Variants in TMEM30B observed in about 807,000 individuals in gnomAD.
TMEM30B encodes the protein cell division cycle 50 P4-ATPase accessory subunit B.
In TMEM30B, 25 loss-of-function variants were observed where a neutral mutation model predicts 27.9. The observed-to-expected ratio is 0.89, with a 90% CI of 0.65 to 1.25. The LOEUF (loss-of-function observed/expected upper bound fraction) is 1.25, where lower values mean the gene tolerates loss of function less well. TMEM30B is among the 50% of genes most tolerant of loss of function. TMEM30B has a pLI of 0.00. For synonymous variants in TMEM30B, 248 were observed against 238.5 expected, an observed-to-expected ratio of 1.04 and a Z score of -0.37; for missense variants, 536 against 506.5, an observed-to-expected ratio of 1.06 and a Z score of -0.56.
At position 61,279,507 on chromosome 14, in the gene TMEM30B, C is replaced by A. The variant is rs1356094360; in HGVS notation, c.*585G>T. On this transcript the variant is annotated 3_prime_UTR_variant, in exon 1 of 1. Coordinates refer to ENST00000555868, the MANE Select transcript of TMEM30B (RefSeq NM_001017970.3). Reference sequence around the variant, plus strand: ...TGTTAAAACACAGCTTCGAGGATCTCATCCCAGCCTTACTGTGTCTGAATC... The same window carrying A: ...TGTTAAAACACAGCTTCGAGGATCTAATCCCAGCCTTACTGTGTCTGAATC... The A allele has an allele frequency of 6.6e-6, 1 of 152,432 alleles. No individual in the cohort carries two copies. The highest frequency in any genetic ancestry group is 1.5e-5 in the Non-Finnish European group (1 of 68,230). The allele number at this position is 152,432 out of a possible 1,614,324, so 9.4% of individuals were successfully genotyped here.
In TMEM30B at chr14:61,279,773, T is replaced by C. The variant is rs537754573; in HGVS notation, c.*319A>G. On this transcript the variant is annotated 3_prime_UTR_variant, in exon 1 of 1. Coordinates refer to ENST00000555868, the MANE Select transcript of TMEM30B (RefSeq NM_001017970.3). ...TAGGTCTCTCAATCTCTTCCTCTAA[T>C]AGGGGTTTAATAGGAGTCTCCATAG... 5.7e-5 allele frequency: 17 copies of C among 295,694 alleles called. No individual in the cohort carries two copies. In the East Asian group the frequency reaches 9.8e-4, roughly 17 times the overall value. The allele number at this position is 295,694 out of a possible 1,614,324, so 18.3% of individuals were successfully genotyped here. A position where few individuals can be genotyped will look rare whatever the true frequency, so the allele number is the denominator to read the frequency against.
At position 61,280,946 on chromosome 14, in the gene TMEM30B, T is replaced by TATA. The variant is rs1407965306; in HGVS notation, c.199_201dup (p.Tyr67dup). 6.5e-7 allele frequency: 1 copy of TATA among 1,542,542 alleles called. No individual in the cohort carries two copies. Among genetic ancestry groups the TATA allele is most frequent in the Non-Finnish European group, 8.7e-7 (1 of 1,147,724 alleles). ...CAGTTACCGGTGCCCGGGTCGCCTGTATAGTCGTACTCCAGCTCCTTGATG... is the reference window on the plus strand; with the variant it reads ...CAGTTACCGGTGCCCGGGTCGCCTGTATAATAGTCGTACTCCAGCTCCTTGATG... On this transcript the variant is annotated inframe_insertion, in exon 1 of 1. Transcript: ENST00000555868. This position sits in a 1 kb window ranked among gnomAD's most constrained non-coding sequence, Gnocchi z 5.0.
At position 61,280,661 on chromosome 14, in the gene TMEM30B, C is replaced by T. The variant is rs1288478361; in HGVS notation, c.487G>A (p.Gly163Ser). The change falls in exon 1 of 1, where the codon GGC becomes AGC. Residue 163 changes from glycine to serine, a missense_variant. By Grantham distance (56) the Gly-to-Ser change is moderately conservative (BLOSUM62 0). Coordinates refer to ENST00000555868, the MANE Select transcript of TMEM30B (RefSeq NM_001017970.3). The surrounding 1 kb of genome is among the most constrained non-coding windows in gnomAD (Gnocchi z 5.0). ...SAAGLPIAPC[G>S]AIANSLFNDS... ...TTGAAGAGGCTGTTGGCGATGGCGC[C>T]GCAGGGCGCGATGGGCAGGCCGGCC... 3.2e-6 allele frequency: 5 copies of T among 1,571,288 alleles called. No individual in the cohort carries two copies. The highest frequency in any genetic ancestry group is 2.7e-5 in the African/African-American group (2 of 73,926).
In TMEM30B at chr14:61,280,747, C is replaced by A; in HGVS notation, c.401G>T (p.Ser134Ile). 6.4e-7 allele frequency: 1 copy of A among 1,566,792 alleles called. No individual in the cohort carries two copies. The highest frequency in any genetic ancestry group is 8.6e-7 in the Non-Finnish European group (1 of 1,163,286). ...GTGGCGCAGCGCGCTGGGGAGTCCG[C>A]TCAGCTGCGCGTCGTCGCGGGACAC... is the stretch of plus-strand genomic sequence containing the variant. ...YGVSRDDAQLSGLPSALRHPV... is the reference protein window; with the variant it reads ...YGVSRDDAQLIGLPSALRHPV... The change falls in exon 1 of 1, where the codon AGC becomes ATC. Residue 134 changes from serine to isoleucine, a missense_variant. Coordinates refer to ENST00000555868, the MANE Select transcript of TMEM30B (RefSeq NM_001017970.3). The surrounding 1 kb of genome is among the most constrained non-coding windows in gnomAD (Gnocchi z 5.0).
Position 61,279,833 on chromosome 14 carries a change from C to T in TMEM30B, c.*259G>A. 2.1e-6 allele frequency: 1 copy of T among 484,956 alleles called. No individual in the cohort carries two copies. Among genetic ancestry groups the T allele is most frequent in the Non-Finnish European group, 3.7e-6 (1 of 272,302 alleles). The allele number at this position is 484,956 out of a possible 1,614,324, so 30.0% of individuals were successfully genotyped here. On this transcript the variant is annotated 3_prime_UTR_variant, in exon 1 of 1. Coordinates refer to ENST00000555868, the MANE Select transcript of TMEM30B (RefSeq NM_001017970.3). ...CCACTCTCAGACTTGAAGAACCTCA[C>T]ATGGCAACTCAGTGTCGTGAAGGAG...
At position 61,281,019 on chromosome 14, in the gene TMEM30B, G is replaced by T; in HGVS notation, c.129C>A (p.Gly43=). The T allele has an allele frequency of 6.5e-7, 1 of 1,535,780 alleles. No homozygotes were observed. ...CCAGGCCCAGGCCGATGAAGGCCAG[G>T]CCCGCGCAGAAGAAGAGCGGCAGCG... ...SIALPLFFCA[G]LAFIGLGLGL... is the part of the protein sequence containing the mutation. Residue 43 remains glycine, a synonymous_variant, in exon 1 of 1, where the codon GGC becomes GGA. Transcript: ENST00000555868.
rs2045262799 is a variant in TMEM30B at position 61,281,208 on chromosome 14, T to A, written c.-61A>T. ...AGTGGGGGCCCCGCCGCGGGGCGCCTCCCTCTCCGCGCCGCGCAAGCCCGG... is the reference window on the plus strand; with the variant it reads ...AGTGGGGGCCCCGCCGCGGGGCGCCACCCTCTCCGCGCCGCGCAAGCCCGG... On this transcript the variant is annotated 5_prime_UTR_variant, in exon 1 of 1. Coordinates refer to ENST00000555868, the MANE Select transcript of TMEM30B (RefSeq NM_001017970.3). The A allele has an allele frequency of 9.3e-7, 1 of 1,080,120 alleles. No individual in the cohort carries two copies. The highest frequency in any genetic ancestry group is 4.4e-5 in the Admixed American group (1 of 22,780). The allele number at this position is 1,080,120 out of a possible 1,614,324, so 66.9% of individuals were successfully genotyped here.
chr14:61,280,506 G>A lies in TMEM30B; in HGVS notation c.642C>T (p.Gly214=), dbSNP rs2045249090. 6.2e-7 allele frequency: 1 copy of A among 1,612,908 alleles called. No individual in the cohort carries two copies. Among genetic ancestry groups the A allele is most frequent in the African/African-American group, 1.3e-5 (1 of 74,926 alleles). ...VKFRNPPLVN[G]SLALAFQGTA... is the part of the protein sequence containing the mutation. ...TGCCCTGGAAGGCCAACGCCAGGCT[G>A]CCGTTGACCAGCGGCGGGTTGCGGA... is the stretch of plus-strand genomic sequence containing the variant. Residue 214 remains glycine (G), a synonymous_variant, in exon 1 of 1, where the codon GGC becomes GGT. Transcript: ENST00000555868. The surrounding 1 kb of genome is among the most constrained non-coding windows in gnomAD (Gnocchi z 5.0).
In TMEM30B at chr14:61,280,089, G is replaced by A. The variant is rs2045242548; in HGVS notation, c.*3C>T. The A allele has an allele frequency of 1.9e-6, 3 of 1,603,978 alleles. No individual in the cohort carries two copies. Among genetic ancestry groups the A allele is most frequent in the Non-Finnish European group, 2.6e-6 (3 of 1,174,968 alleles). The stretch of plus-strand genomic sequence containing the variant: ...AGCAGGAGGGATCCCTGGAAAGCCG[G>A]AATCACTCCTCGTCGTCGTCGTCCT... On this transcript the variant is annotated 3_prime_UTR_variant, in exon 1 of 1. Transcript: ENST00000555868. The surrounding 1 kb of genome is among the most constrained non-coding windows in gnomAD (Gnocchi z 5.0).
Position 61,281,267 on chromosome 14 carries a change from A to G in TMEM30B, c.-120T>C, listed in dbSNP as rs1442869345. On this transcript the variant is annotated 5_prime_UTR_variant, in exon 1 of 1. Transcript: ENST00000555868. ...CGCGGGTCGGGTTTCCCGCCAGCTC[A>G]GGTGGGTTTTTGCCCGGGCCCCTCC... 2 of 550,488 alleles carry G rather than the reference A, an allele frequency of 3.6e-6. No individual in the cohort carries two copies. The highest frequency in any genetic ancestry group is 5.7e-4 in the Middle Eastern group (1 of 1,740). The allele number at this position is 550,488 out of a possible 1,614,324, so 34.1% of individuals were successfully genotyped here.
Position 61,279,816 on chromosome 14 carries a change from A to G in TMEM30B, c.*276T>C. 1 of 451,798 alleles carries G rather than the reference A, an allele frequency of 2.2e-6. No homozygotes were observed. Among genetic ancestry groups the G allele is most frequent in the Non-Finnish European group, 4.0e-6 (1 of 251,998 alleles). 28.0% of individuals were successfully genotyped at this position (451,798 alleles called of 1,614,324 possible). On this transcript the variant is annotated 3_prime_UTR_variant, in exon 1 of 1. Coordinates refer to ENST00000555868, the MANE Select transcript of TMEM30B (RefSeq NM_001017970.3). ...CTCCATAGGGATCCCTTCCACTCTCAGACTTGAAGAACCTCACATGGCAAC... is the reference window on the plus strand; with the variant it reads ...CTCCATAGGGATCCCTTCCACTCTCGGACTTGAAGAACCTCACATGGCAAC...
rs2045262612 is a variant in TMEM30B at position 61,281,192 on chromosome 14, C to T, written c.-45G>A. On this transcript the variant is annotated 5_prime_UTR_variant, in exon 1 of 1. Coordinates refer to ENST00000555868, the MANE Select transcript of TMEM30B (RefSeq NM_001017970.3). ...ACGCGCGGGCTGACCGAGTGGGGGC[C>T]CCGCCGCGGGGCGCCTCCCTCTCCG... 1 of 1,215,534 alleles carries T rather than the reference C, an allele frequency of 8.2e-7. No individual in the cohort carries two copies. Among genetic ancestry groups the T allele is most frequent in the Non-Finnish European group, 1.0e-6 (1 of 959,614 alleles). The allele number at this position is 1,215,534 out of a possible 1,614,324, so 75.3% of individuals were successfully genotyped here. A position where few individuals can be genotyped will look rare whatever the true frequency, so the allele number is the denominator to read the frequency against.
rs1195895146 is a variant in TMEM30B, at chr14:61,279,078, A to T, written c.*1014T>A. 2 of 151,708 alleles carry T rather than the reference A, an allele frequency of 1.3e-5. No homozygotes were observed. The highest frequency in any genetic ancestry group is 4.8e-5 in the African/African-American group (2 of 41,338). 9.4% of individuals were successfully genotyped at this position (151,708 alleles called of 1,614,324 possible). On this transcript the variant is annotated 3_prime_UTR_variant, in exon 1 of 1. Coordinates refer to ENST00000555868, the MANE Select transcript of TMEM30B (RefSeq NM_001017970.3). ...TTAGGGAACTTACTTTCCCTCGAAG[A>T]TCTCTTCCAGCTATCTGATTCTACG...
chr14:61,280,014 G>T lies in TMEM30B; in HGVS notation c.*78C>A. 7.8e-7 allele frequency: 1 copy of T among 1,277,700 alleles called. No individual in the cohort carries two copies. Among genetic ancestry groups the T allele is most frequent in the South Asian group, 1.5e-5 (1 of 65,148 alleles). The allele number at this position is 1,277,700 out of a possible 1,614,324, so 79.1% of individuals were successfully genotyped here. ...AAGCTAGGCGAGGTTGGAATTGGGT[G>T]ACGGGCGAGGAGGAGATGCCAAAAG... is the stretch of plus-strand genomic sequence containing the variant. On this transcript the variant is annotated 3_prime_UTR_variant, in exon 1 of 1. Transcript: ENST00000555868. The surrounding 1 kb of genome is among the most constrained non-coding windows in gnomAD (Gnocchi z 5.0).
At position 61,280,572 on chromosome 14, in the gene TMEM30B, G is replaced by A; in HGVS notation, c.576C>T (p.Asp192=). The change falls in exon 1 of 1, where the codon GAC becomes GAT. Residue 192 remains aspartate (D), a synonymous_variant. Transcript: ENST00000555868. The surrounding 1 kb of genome is among the most constrained non-coding windows in gnomAD (Gnocchi z 5.0). ...PGGPYVEVPL[D]RSGIAWWTDY... is the part of the protein sequence containing the mutation. Reference sequence around the variant, plus strand: ...CGGTCCACCAGGCGATGCCGGAGCGGTCGAGCGGCACCTCGACGTAGGGCC... The same window carrying A: ...CGGTCCACCAGGCGATGCCGGAGCGATCGAGCGGCACCTCGACGTAGGGCC... 6.2e-7 allele frequency: 1 copy of A among 1,604,888 alleles called. No homozygotes were observed. The highest frequency in any genetic ancestry group is 8.5e-7 in the Non-Finnish European group (1 of 1,176,092).
Position 61,280,419 on chromosome 14 carries a change from G to A in TMEM30B, c.729C>T (p.Thr243=), listed in dbSNP as rs201969653. The part of the protein sequence containing the change: ...VYELSPDPNN[T]GFINQDFVVW... ...CCACGAAGTCCTGATTGATGAAGCC[G>A]GTGTTGTTGGGGTCGGGGCTGAGCT... The change falls in exon 1 of 1, where the codon ACC becomes ACT. Residue 243 remains threonine (T), a synonymous_variant. Transcript: ENST00000555868. This position sits in a 1 kb window ranked among gnomAD's most constrained non-coding sequence, Gnocchi z 5.0. The A allele has an allele frequency of 6.2e-7, 1 of 1,614,016 alleles. No homozygotes were observed. Among genetic ancestry groups the A allele is most frequent in the Non-Finnish European group, 8.5e-7 (1 of 1,179,902 alleles).
Position 61,280,093 on chromosome 14 carries a change from C to T in TMEM30B, c.1055G>A (p.Ter352=). 1 of 1,604,936 alleles carries T rather than the reference C, an allele frequency of 6.2e-7. No individual in the cohort carries two copies. The highest frequency in any genetic ancestry group is 8.5e-7 in the Non-Finnish European group (1 of 1,175,394). ...GGAGGGATCCCTGGAAAGCCGGAAT[C>T]ACTCCTCGTCGTCGTCGTCCTGGTC... is the stretch of plus-strand genomic sequence containing the variant. ...YQDQDDDDEE[*] is the part of the protein sequence containing the mutation. Residue 352 remains the stop codon, a stop_retained_variant, in exon 1 of 1, where the codon TGA becomes TAA. Transcript: ENST00000555868. The surrounding 1 kb of genome is among the most constrained non-coding windows in gnomAD (Gnocchi z 5.0).
Position 61,280,420 on chromosome 14 carries a change from GTGT to G in TMEM30B, c.725_727del (p.Asn242del). The G allele has an allele frequency of 6.2e-7, 1 of 1,614,026 alleles. No homozygotes were observed. The highest frequency in any genetic ancestry group is 1.1e-5 in the South Asian group (1 of 91,090). On this transcript the variant is annotated inframe_deletion, in exon 1 of 1. Transcript: ENST00000555868. The surrounding 1 kb of genome is among the most constrained non-coding windows in gnomAD (Gnocchi z 5.0). ...CACGAAGTCCTGATTGATGAAGCCGGTGTTGTTGGGGTCGGGGCTGAGCTCGTA... is the reference window on the plus strand; with the variant it reads ...CACGAAGTCCTGATTGATGAAGCCGGTGTTGGGGTCGGGGCTGAGCTCGTA...
chr14:61,280,468 G>A lies in TMEM30B; in HGVS notation c.680C>T (p.Pro227Leu). 1 of 1,613,480 alleles carries A rather than the reference G, an allele frequency of 6.2e-7. No homozygotes were observed. Among genetic ancestry groups the A allele is most frequent in the Non-Finnish European group, 8.5e-7 (1 of 1,179,736 alleles). The stretch of plus-strand genomic sequence containing the variant: ...CTCGTAGACTGGCCGGCGCCAGTTG[G>A]GCGGGGGCGCCGTGCCCTGGAAGGC... ...ALAFQGTAPP[P>L]NWRRPVYELS... The change falls in exon 1 of 1, where the codon CCC becomes CTC. Residue 227 changes from proline to leucine, a missense_variant. By Grantham distance (98) the Pro-to-Leu change is moderately conservative. Coordinates refer to ENST00000555868, the MANE Select transcript of TMEM30B (RefSeq NM_001017970.3). The surrounding 1 kb of genome is among the most constrained non-coding windows in gnomAD (Gnocchi z 5.0).
Sources: allele counts gnomAD v4.1 joint callset, GRCh38; gene constraint gnomAD v4.1.1; non-coding constraint Gnocchi (gnomAD v3.1); transcripts MANE v1.5; gene names NCBI Gene and HGNC (gene_info 2026-07-23, HGNC 2026-07-21).